The following CHD9NB variants were observed in gnomAD, a reference collection of about 807,000 sequenced individuals.
CHD9NB encodes CHD9 neighbor.
chr16:53,038,504 C>T, the CHD9NB span, among the ~76,000 whole-genome samples: 2 of 151,690 alleles, frequency 1.3e-5, no homozygotes, highest in African/African-American at 4.9e-5. Context: ...GCACGTGCCA[C>T]CACACCTGGA....
the CHD9NB span, among the ~76,000 whole-genome samples, chr16:53,045,216 C>G: frequency 1.3e-5 from 2 of 152,296 alleles, no homozygotes; most frequent in South Asian, 4.1e-4. Flanking sequence ...GCCTGTTCAG[C>G]TTTCCAAAGT....
the CHD9NB span, among the ~76,000 whole-genome samples, chr16:53,050,179 G>C: frequency 6.6e-6 from 1 of 151,962 alleles, no homozygotes; most frequent in Non-Finnish European, 1.5e-5. Flanking sequence ...CTCCAGCCTG[G>C]GTAGGAGTAG....
At chr16:53,052,324 T>C in the CHD9NB span, among the ~76,000 whole-genome samples, 3 of 152,170 alleles carry the variant, frequency 2.0e-5, no homozygotes, top group South Asian at 6.2e-4. Flanking sequence ...GGAAGATCCC[T>C]TGAGCTCGAA....
the CHD9NB span, among the ~76,000 whole-genome samples, chr16:53,039,484 G>A: frequency 2.6e-5 from 4 of 152,124 alleles, no homozygotes; most frequent in African/African-American, 4.8e-5. Context: ...AGTGGCTCAC[G>A]CCTGTAATCC....
chr16:53,040,752 G>A, the CHD9NB span, among the ~76,000 whole-genome samples: 1 of 152,198 alleles, frequency 6.6e-6, no homozygotes, highest in East Asian at 1.9e-4. Flanking sequence ...ACAAATATTT[G>A]TTGAATGAAT....
At chr16:53,045,394 G>A in the CHD9NB span, among the ~76,000 whole-genome samples, 1 of 152,186 alleles carries the variant, frequency 6.6e-6, no homozygotes, top group South Asian at 2.1e-4. Flanking sequence ...TTTTGCAGCT[G>A]TGAGCAATCT....
chr16:53,041,852 A>G, the CHD9NB span, among the ~76,000 whole-genome samples: 1 of 151,940 alleles, frequency 6.6e-6, no homozygotes, highest in African/African-American at 2.4e-5. Flanking sequence ...AGAGGCCCCA[A>G]ACTTCCTGAT....
the CHD9NB span, among the ~76,000 whole-genome samples, chr16:53,037,373 A>G: frequency 6.6e-6 from 1 of 152,198 alleles, no homozygotes; most frequent in African/African-American, 2.4e-5. Flanking sequence ...GAGGCCCACA[A>G]ATTTAACTGA....
chr16:53,049,979 G>T, the CHD9NB span, among the ~76,000 whole-genome samples: 1 of 152,156 alleles, frequency 6.6e-6, no homozygotes, highest in Non-Finnish European at 1.5e-5. Flanking sequence ...CGAGGTGGGC[G>T]GATCACTTGA....
chr16:53,041,127 T>A, the CHD9NB span, among the ~76,000 whole-genome samples: 21 of 152,266 alleles, frequency 1.4e-4, no homozygotes, highest in Non-Finnish European at 2.5e-4. Flanking sequence ...GATGGCTGGA[T>A]GAAAGGAAGG....
chr16:53,044,293 G>A, the CHD9NB span: 1 of 396,932 alleles, frequency 2.5e-6, no homozygotes, highest in Non-Finnish European at 4.4e-6. Context: ...CCGTTTCTAT[G>A]GCCACAAGGA....
the CHD9NB span, among the ~76,000 whole-genome samples, chr16:53,041,175 T>C: frequency 1.3e-5 from 2 of 152,254 alleles, no homozygotes; most frequent in Non-Finnish European, 2.9e-5. Flanking sequence ...ATAGATACGT[T>C]AACTAATAAA....
At chr16:53,040,155 C>T in the CHD9NB span, among the ~76,000 whole-genome samples, 98 of 152,152 alleles carry the variant, frequency 6.4e-4, no homozygotes, top group East Asian at 2.3e-3. Context: ...CTGCAACCTC[C>T]GCCTCCCAGA....
chr16:53,051,112 C>T, the CHD9NB span, among the ~76,000 whole-genome samples: 1 of 152,028 alleles, frequency 6.6e-6, no homozygotes, highest in Non-Finnish European at 1.5e-5. Flanking sequence ...TGGTCTTGAT[C>T]TCCTGACCTC....
the CHD9NB span, among the ~76,000 whole-genome samples, chr16:53,051,952 G>T: frequency 6.6e-6 from 1 of 151,370 alleles, no homozygotes; most frequent in East Asian, 1.9e-4. Flanking sequence ...TACATTACTT[G>T]CTAACTCCTC....
chr16:53,051,900 G>A, the CHD9NB span, among the ~76,000 whole-genome samples: 1 of 150,076 alleles, frequency 6.7e-6, no homozygotes, highest in Admixed American at 6.7e-5. Flanking sequence ...GGTGTTCAGG[G>A]CATGTGCCTT....
the CHD9NB span, among the ~76,000 whole-genome samples, chr16:53,047,616 C>G: frequency 2.0e-5 from 3 of 152,200 alleles, no homozygotes; most frequent in Non-Finnish European, 2.9e-5. Context: ...TCAGCCCCAT[C>G]CTTACGACGT....
the CHD9NB span, among the ~76,000 whole-genome samples, chr16:53,040,730 A>T: frequency 6.6e-6 from 1 of 152,248 alleles, no homozygotes; most frequent in African/African-American, 2.4e-5. Context: ...TGAGTGATAG[A>T]GTAGAAACTC....
chr16:53,051,512 C>G, the CHD9NB span, among the ~76,000 whole-genome samples: 2 of 150,426 alleles, frequency 1.3e-5, no homozygotes, highest in Admixed American at 1.3e-4. Flanking sequence ...AGCAAATGAT[C>G]GCAAGGACAA....
Sources: gnomAD v4.1 joint callset for allele counts (sites outside exome capture counted in the v4.1 genomes callset) on GRCh38, gnomAD v4.1.1 for gene constraint, MANE v1.5 for transcripts, NCBI Gene and HGNC (gene_info 2026-07-23, HGNC 2026-07-21) for gene names.